The following PDZD8 variants were observed in gnomAD, a reference collection of about 807,000 sequenced individuals.
PDZD8 encodes the protein PDZ domain-containing protein 8.
PDZD8 carries 14 observed loss-of-function variants against 85.8 expected under a neutral mutation model. That is an observed-to-expected ratio of 0.16 (90% CI 0.11 to 0.26). The LOEUF (loss-of-function observed/expected upper bound fraction) is 0.26, where lower values mean the gene tolerates loss of function less well. Ranked by LOEUF, PDZD8 falls within the 10% of genes least tolerant of loss-of-function variation. The probability of loss-of-function intolerance (pLI) is 1.00; values close to 1 mark genes in which losing one functional copy is unlikely to be tolerated. For synonymous variants in PDZD8, 592 were observed against 568.6 expected (o/e 1.04, Z -0.59); for missense variants, 1,197 against 1,424.3 (o/e 0.84, Z 2.57).
intron 2 of PDZD8, among the ~76,000 whole-genome samples, chr10:117,333,133 A>ACAAAAAAAC (rs1844457364): frequency 6.7e-6 from 1 of 149,368 alleles, no homozygotes; most frequent in African/African-American, 2.5e-5. Flanking sequence ...AAAAAAAAAA[A>ACAAAAAAAC]AAAAAAAAAA....
chr10:117,345,995 C>T (rs1844699804), intron 1 of PDZD8, among the ~76,000 whole-genome samples: 2 of 152,184 alleles, frequency 1.3e-5, no homozygotes, highest in Admixed American at 1.3e-4. Flanking sequence ...AATCCCAGCA[C>T]TTTGGGAGGC....
chr10:117,295,369 A>G (rs1298526757), intron 3 of PDZD8, among the ~76,000 whole-genome samples: 2 of 152,224 alleles, frequency 1.3e-5, no homozygotes, highest in Non-Finnish European at 2.9e-5. Context: ...GGCAACCTCA[A>G]CATCATCAAC....
chr10:117,347,668 C>T (rs1844732519), intron 1 of PDZD8, among the ~76,000 whole-genome samples: 1 of 151,734 alleles, frequency 6.6e-6, no homozygotes, highest in Non-Finnish European at 1.5e-5. Context: ...ATTCTGTAGT[C>T]AAAAAGTACA....
intron 2 of PDZD8, among the ~76,000 whole-genome samples, chr10:117,324,570 C>G (rs553326759): frequency 2.0e-5 from 3 of 152,112 alleles, no homozygotes; most frequent in Non-Finnish European, 4.4e-5. Context: ...ATTGCTTATT[C>G]GTCAAGATTC....
chr10:117,318,338 CTTTT>C (rs547878856), intron 3 of PDZD8, among the ~76,000 whole-genome samples: 5 of 152,096 alleles, frequency 3.3e-5, no homozygotes, highest in Non-Finnish European at 5.9e-5. Context: ...GCTTTGTTCA[CTTTT>C]TTTGTTTACC....
At chr10:117,355,726 A>G (rs759260961) in intron 1 of PDZD8, among the ~76,000 whole-genome samples, 1 of 152,310 alleles carries the variant, frequency 6.6e-6, no homozygotes, top group South Asian at 2.1e-4. Flanking sequence ...CTCAATAGAC[A>G]TTAGTTATTA....
intron 3 of PDZD8, among the ~76,000 whole-genome samples, chr10:117,310,080 C>T (rs1844009992): frequency 6.6e-6 from 1 of 152,102 alleles, no homozygotes; most frequent in Non-Finnish European, 1.5e-5. Flanking sequence ...TGCATAACTT[C>T]CTATGCTATC....
At chr10:117,338,224 G>A (rs1844550770) in intron 2 of PDZD8, among the ~76,000 whole-genome samples, 1 of 152,154 alleles carries the variant, frequency 6.6e-6, no homozygotes, top group Non-Finnish European at 1.5e-5. Flanking sequence ...GCAGGAATGA[G>A]TTGAGACTTA....
At chr10:117,308,101 CTTT>C (rs1843974654) in intron 3 of PDZD8, among the ~76,000 whole-genome samples, 1 of 152,038 alleles carries the variant, frequency 6.6e-6, no homozygotes, top group African/African-American at 2.4e-5. Flanking sequence ...CTAAAAAGTT[CTTT>C]ATTTCTTATC....
chr10:117,363,172 T>C (rs751141159), intron 1 of PDZD8, among the ~76,000 whole-genome samples: 8 of 152,096 alleles, frequency 5.3e-5, no homozygotes, highest in African/African-American at 1.7e-4. Context: ...ACAAAAAGCT[T>C]TGAATTATTT....
chr10:117,324,280 C>T (rs1478589769), intron 2 of PDZD8, among the ~76,000 whole-genome samples: 1 of 138,454 alleles, frequency 7.2e-6, no homozygotes, highest in Non-Finnish European at 1.6e-5. Context: ...CATAGCAGAA[C>T]ATTTCAAGAG....
intron 1 of PDZD8, among the ~76,000 whole-genome samples, chr10:117,368,111 C>T (rs1458587677): frequency 6.6e-6 from 1 of 152,114 alleles, no homozygotes; most frequent in East Asian, 1.9e-4. Context: ...ATAGCATGAA[C>T]TAGTTTATAA....
At position 117,312,113 on chromosome 10, in the gene PDZD8, A is replaced by T. The variant is rs188087573; in HGVS notation, c.1098+6759T>A. Among the ~76,000 whole-genome samples the T allele has an allele frequency of 1.6e-3, 241 of 152,208 alleles. 4 individuals are homozygous for T. The highest frequency in any genetic ancestry group is 0.013 in the Admixed American group (205 of 15,260). On this transcript the variant is annotated intron_variant, in intron 3 of 4. Transcript: ENST00000334464. The stretch of plus-strand genomic sequence containing the variant: ...GGCATACAGCAGGGAAGGGCCCAAG[A>T]ATGTATCCGAGGGCAAACAAGCTAA...
At chr10:117,330,004 G>T (rs1589570433) in intron 2 of PDZD8, among the ~76,000 whole-genome samples, 1 of 72,090 alleles carries the variant, frequency 1.4e-5, no homozygotes, top group South Asian at 7.6e-4. Context: ...AAGGAAGGGA[G>T]GGAGGGAGGG....
At position 117,315,705 on chromosome 10, in the gene PDZD8, C is replaced by G. The variant is rs183476263; in HGVS notation, c.1098+3167G>C. 3.3e-3 allele frequency among the ~76,000 whole-genome samples: 501 copies of G among 151,564 alleles called. 8 individuals carry two copies. The highest frequency in any genetic ancestry group is 0.031 in the Admixed American group (473 of 15,210). On this transcript the variant is annotated intron_variant, in intron 3 of 4. Transcript: ENST00000334464. ...ATTCTGGGAGGGTAAAACTTAGGAT[C>G]TCTCTCTTTCAAACAATGTGTGCTA...
chr10:117,288,156 A>T (rs924344836), intron 4 of PDZD8, among the ~76,000 whole-genome samples: 8 of 152,204 alleles, frequency 5.3e-5, no homozygotes, highest in African/African-American at 1.9e-4. Flanking sequence ...AGTAAAATGA[A>T]TTCCATTTTG....
Position 117,375,370 on chromosome 10 carries a change from G to T in PDZD8, c.-143C>A. The T allele has an allele frequency of 1.9e-6, 1 of 522,710 alleles. No individual in the cohort carries two copies. Among genetic ancestry groups the T allele is most frequent in the Non-Finnish European group, 2.9e-6 (1 of 344,880 alleles). 32.4% of individuals were successfully genotyped at this position (522,710 alleles called of 1,614,324 possible). On this transcript the variant is annotated 5_prime_UTR_variant, in exon 1 of 5. Transcript: ENST00000334464. ...CTCCGTGGGCCTCGTCCAGGGGCTC[G>T]GGCCGGCGCGCTGCGGCGCCCGAGC...
chr10:117,284,812 C>T lies in PDZD8; in HGVS notation c.1921G>A (p.Ala641Thr), dbSNP rs1295872243. 2 of 1,614,106 alleles carry T rather than the reference C, an allele frequency of 1.2e-6. No homozygotes were observed. The highest frequency in any genetic ancestry group is 1.3e-5 in the African/African-American group (1 of 74,938). The change falls in exon 5 of 5, where the codon GCC becomes ACC. Residue 641 changes from alanine to threonine, a missense_variant. This residue lies in a region of PDZD8 where 263 missense variants were observed against 261.9 expected (regional missense o/e 1.00). Coordinates refer to ENST00000334464, the MANE Select transcript of PDZD8 (RefSeq NM_173791.5). ...SAEKQAKNVD[A>T]IDDAAAPKQF... Reference sequence around the variant, plus strand: ...TTAGGTGCAGCTGCATCGTCTATGGCATCCACATTTTTTGCTTGCTTTTCA... The same window carrying T: ...TTAGGTGCAGCTGCATCGTCTATGGTATCCACATTTTTTGCTTGCTTTTCA...
At chr10:117,342,220 C>T (rs1844625527) in intron 1 of PDZD8, among the ~76,000 whole-genome samples, 1 of 152,056 alleles carries the variant, frequency 6.6e-6, no homozygotes, top group African/African-American at 2.4e-5. Flanking sequence ...TTTTAAAAAA[C>T]TTTTAATTTA....
Sources: gnomAD v4.1 joint callset for allele counts (sites outside exome capture counted in the v4.1 genomes callset) on GRCh38, gnomAD v4.1.1 for gene constraint, gnomAD v4.1.1 regional missense constraint, MANE v1.5 for transcripts, NCBI Gene and HGNC (gene_info 2026-07-23, HGNC 2026-07-21) for gene names.